Variants in CRYBG1 observed in about 807,000 individuals in gnomAD.
CRYBG1 encodes crystallin beta-gamma domain containing 1, also known as beta/gamma crystallin domain-containing protein 1.
Under a neutral mutation model 189.2 loss-of-function variants are expected in CRYBG1, and 139 were observed. That is an observed-to-expected ratio of 0.73 (90% confidence interval 0.64 to 0.85). The LOEUF is 0.85. Among genes scored for constraint, CRYBG1 ranks in the 40% least tolerant of loss-of-function variants. The pLI, the probability that CRYBG1 is intolerant of heterozygous loss-of-function variation, is 0.00. For missense variants in CRYBG1, 2,611 were observed against 2,675.8 expected, an observed-to-expected ratio of 0.98 and a Z score of 0.53; for synonymous variants, 1,023 against 1,017.1, an observed-to-expected ratio of 1.01 and a Z score of -0.11.
At chr6:106,455,627 C>T (rs987762903) in intron 2 of CRYBG1, among the ~76,000 whole-genome samples, 3 of 152,156 alleles carry the variant, frequency 2.0e-5, no homozygotes, top group African/African-American at 7.2e-5. Flanking sequence ...GAATTCTAAT[C>T]ACTTATTTTC....
chr6:106,490,389 G>C (rs1267746353), intron 2 of CRYBG1, among the ~76,000 whole-genome samples: 1 of 152,212 alleles, frequency 6.6e-6, no homozygotes, highest in Non-Finnish European at 1.5e-5. Flanking sequence ...GGCTATGAAA[G>C]AGGAACTAAT....
In CRYBG1 at chr6:106,543,534, A is replaced by G. The variant is rs146009064; in HGVS notation, c.4976A>G (p.Glu1659Gly). 1.1e-5 allele frequency: 17 copies of G among 1,614,154 alleles called. No individual in the cohort carries two copies. In the African/African-American group the frequency reaches 2.1e-4, roughly 20 times the overall value. ...GTCATGGAGGGAGGTGAAACAGAAGAGGCGACTGGAGACGATCATTTGCCG... is the reference window on the plus strand; with the variant it reads ...GTCATGGAGGGAGGTGAAACAGAAGGGGCGACTGGAGACGATCATTTGCCG... Reference protein sequence around the residue: ...SFVMEGGETEEATGDDHLPFT... With the variant: ...SFVMEGGETEGATGDDHLPFT... The change falls in exon 11 of 22, where the codon GAG (glutamate) becomes GGG (glycine). Residue 1659 changes from glutamate to glycine, a missense_variant. Glu to Gly is a moderately conservative substitution (Grantham distance 98). Coordinates refer to ENST00000633556, the MANE Select transcript of CRYBG1 (RefSeq NM_001371242.2).
At chr6:106,497,467 C>T (rs1772877661) in intron 2 of CRYBG1, among the ~76,000 whole-genome samples, 1 of 152,204 alleles carries the variant, frequency 6.6e-6, no homozygotes, top group African/African-American at 2.4e-5. Flanking sequence ...ACCTGTCGGC[C>T]TTCCCCCTGC....
intron 1 of CRYBG1, among the ~76,000 whole-genome samples, chr6:106,403,248 G>C (rs1023334231): frequency 6.6e-6 from 1 of 152,148 alleles, no homozygotes; most frequent in Admixed American, 6.5e-5. Flanking sequence ...GAGGTGGGAG[G>C]ATTACTTGAG....
chr6:106,375,208 C>G (rs898680932), intron 1 of CRYBG1, among the ~76,000 whole-genome samples: 1 of 151,850 alleles, frequency 6.6e-6, no homozygotes, highest in Non-Finnish European at 1.5e-5. Context: ...CATAGTGAGA[C>G]CCTGTCTCCA....
chr6:106,571,007 G>GAGAT lies in CRYBG1; in HGVS notation c.*2443_*2446dup, dbSNP rs1775045434. ...TGCACACTGCAATGGGTTGATTGGA[G>GAGAT]AGATATCTAAATGTAAACATTTGAC... is the stretch of plus-strand genomic sequence containing the variant. On this transcript the variant is annotated 3_prime_UTR_variant, in exon 22 of 22. Transcript: ENST00000633556. 1.3e-5 allele frequency: 2 copies of GAGAT among 152,202 alleles called. No individual in the cohort carries two copies. Among genetic ancestry groups the GAGAT allele is most frequent in the Admixed American group, 1.3e-4 (2 of 15,282 alleles). The allele number at this position is 152,202 out of a possible 1,614,324, so 9.4% of individuals were successfully genotyped here. A position where few individuals can be genotyped will look rare whatever the true frequency, so the allele number is the denominator to read the frequency against.
At chr6:106,367,072 C>A (rs527509748) in intron 1 of CRYBG1, among the ~76,000 whole-genome samples, 17 of 152,180 alleles carry the variant, frequency 1.1e-4, no homozygotes, top group African/African-American at 4.1e-4. Flanking sequence ...CTTGACATTA[C>A]AGGAGTTTTT....
At chr6:106,393,984 T>C (rs904517049) in intron 1 of CRYBG1, among the ~76,000 whole-genome samples, 1 of 152,200 alleles carries the variant, frequency 6.6e-6, no homozygotes, top group Admixed American at 6.5e-5. Context: ...CCTCTTCCTT[T>C]TTTGTCTTGT....
chr6:106,495,850 C>T (rs904401632), intron 2 of CRYBG1, among the ~76,000 whole-genome samples: 4 of 149,764 alleles, frequency 2.7e-5, no homozygotes, highest in African/African-American at 9.8e-5. Context: ...ACTTTCCCCC[C>T]TGCCCCCTTT....
At chr6:106,382,952 C>A (rs1279291060) in intron 1 of CRYBG1, among the ~76,000 whole-genome samples, 1 of 152,128 alleles carries the variant, frequency 6.6e-6, no homozygotes, top group Admixed American at 6.5e-5. Flanking sequence ...AATCTGCTTA[C>A]TACAAAATTA....
chr6:106,396,027 AT>A (rs1770601416), intron 1 of CRYBG1, among the ~76,000 whole-genome samples: 1 of 152,126 alleles, frequency 6.6e-6, no homozygotes, highest in Non-Finnish European at 1.5e-5. Flanking sequence ...GCCTTTCATG[AT>A]CCCAGGGCTA....
chr6:106,495,594 A>C (rs557164133), intron 2 of CRYBG1, among the ~76,000 whole-genome samples: 5 of 151,866 alleles, frequency 3.3e-5, no homozygotes, highest in Non-Finnish European at 7.4e-5. Context: ...GGGGCTGAGT[A>C]CCCTTGGATA....
rs1311188933 is a variant in CRYBG1 at position 106,434,171 on chromosome 6, AT to A, written c.174-17521del. Among the ~76,000 whole-genome samples, 13 of 112,732 alleles carry A rather than the reference AT, an allele frequency of 1.2e-4. No homozygotes were observed. In the East Asian group the frequency reaches 1.5e-3, roughly 13 times the overall value. The allele number at this position is 112,732 out of a possible 152,430, so 74.0% of individuals were successfully genotyped here. Reference sequence around the variant, plus strand: ...GAGAGAAAGAGAGAGAGAGAGAGAGATTGAGACAGAAAGAGAGAGAAAGAAA... The same window carrying A: ...GAGAGAAAGAGAGAGAGAGAGAGAGATGAGACAGAAAGAGAGAGAAAGAAA... On this transcript the variant is annotated intron_variant, in intron 1 of 21. Coordinates refer to ENST00000633556, the MANE Select transcript of CRYBG1 (RefSeq NM_001371242.2).
intron 2 of CRYBG1, among the ~76,000 whole-genome samples, chr6:106,475,720 T>C (rs966595790): frequency 6.6e-6 from 1 of 152,220 alleles, no homozygotes; most frequent in Non-Finnish European, 1.5e-5. Flanking sequence ...GTATCTGAGA[T>C]ACAGATGGTA....
At chr6:106,544,499 A>G in intron 11 of CRYBG1, 72 bp from the exon 12 acceptor site, 1 of 1,517,512 alleles carries the variant, frequency 6.6e-7, no homozygotes, top group Admixed American at 2.0e-5. Flanking sequence ...TTTTTCAATG[A>G]AATTGATATG....
chr6:106,563,081 C>CACTGT (rs1774773163), intron 20 of CRYBG1, among the ~76,000 whole-genome samples: 1 of 152,170 alleles, frequency 6.6e-6, no homozygotes, highest in African/African-American at 2.4e-5. Flanking sequence ...AGTTGTGAGC[C>CACTGT]ACTGTACCTG....
chr6:106,452,345 C>T (rs1413946310), intron 2 of CRYBG1, among the ~76,000 whole-genome samples: 1 of 149,838 alleles, frequency 6.7e-6, no homozygotes, highest in Non-Finnish European at 1.5e-5. Context: ...ATCGCTTAAA[C>T]CCAGGAGGTG....
At chr6:106,511,328 C>T (rs1439023564) in intron 2 of CRYBG1, 102 bp from the exon 3 acceptor site, 8 of 1,026,626 alleles carry the variant, frequency 7.8e-6, no homozygotes, top group Non-Finnish European at 9.5e-6. Flanking sequence ...CAATTAGAAA[C>T]TCTGGTCTGT....
At chr6:106,433,732 T>TACAC (rs1401422613) in intron 1 of CRYBG1, among the ~76,000 whole-genome samples, 9 of 44,772 alleles carry the variant, frequency 2.0e-4, no homozygotes, top group African/African-American at 1.3e-3. Context: ...TATATATATA[T>TACAC]ATACATATAT....
Sources: gnomAD v4.1 joint callset for allele counts (sites outside exome capture counted in the v4.1 genomes callset) on GRCh38, gnomAD v4.1.1 for gene constraint, MANE v1.5 for transcripts, NCBI Gene and HGNC (gene_info 2026-07-23, HGNC 2026-07-21) for gene names.